RSF1: variants seen among roughly 807,000 people sequenced by gnomAD.
RSF1 encodes remodeling and spacing factor 1, also known as HBV pX-associated protein 8.
A neutral mutation model predicts 145.2 loss-of-function variants in RSF1; 13 were observed. That is an observed-to-expected ratio of 0.09 (90% CI 0.06 to 0.14). RSF1 has a LOEUF of 0.14. RSF1 is among the 10% of genes least tolerant of loss of function. RSF1 has a pLI of 1.00. For missense variants in RSF1, 1,517 were observed against 1,718.2 expected (o/e 0.88, Z 2.07); for synonymous variants, 577 against 592.6 (o/e 0.97, Z 0.38).
At chr11:77,821,061 A>G (rs1341684600), upstream of RSF1, 3 of 488,222 alleles carry the variant, frequency 6.1e-6, no homozygotes, top group Non-Finnish European at 1.1e-5. Context: ...GAGGGGCGGG[A>G]CTTCTCGAGA....
chr11:77,678,188 C>T, intron 11 of RSF1, 35 bp from the exon 12 acceptor site: 3 of 1,060,692 alleles, frequency 2.8e-6, no homozygotes, highest in South Asian at 2.1e-5. Context: ...TATAGCCTGT[C>T]CTGGCTTTTT....
At chr11:77,727,079 A>G (rs1961073138) in intron 4 of RSF1, among the ~76,000 whole-genome samples, 1 of 152,236 alleles carries the variant, frequency 6.6e-6, no homozygotes, top group Non-Finnish European at 1.5e-5. Context: ...TATAATAACC[A>G]GTCTAGAATT....
chr11:77,727,624 C>A (rs920789099), intron 4 of RSF1, among the ~76,000 whole-genome samples: 11 of 151,684 alleles, frequency 7.3e-5, no homozygotes, highest in Admixed American at 7.2e-4. Context: ...TTACAGGCAC[C>A]CATCACCACG....
intron 1 of RSF1, among the ~76,000 whole-genome samples, chr11:77,793,924 A>T (rs974452846): frequency 5.3e-5 from 8 of 150,544 alleles, no homozygotes; most frequent in Non-Finnish European, 1.2e-4. Context: ...AAAAGGTAAT[A>T]AAAAAAAAGA....
chr11:77,820,476 G>A (rs987178386), intron 1 of RSF1, 52 bp downstream of exon 1: 16 of 1,521,104 alleles, frequency 1.1e-5, no homozygotes, highest in Non-Finnish European at 1.3e-5. Flanking sequence ...AGAGCGGAGA[G>A]TAGCAGAGCG....
intron 11 of RSF1, among the ~76,000 whole-genome samples, chr11:77,682,259 C>G (rs1179462336): frequency 6.6e-6 from 1 of 152,102 alleles, no homozygotes; most frequent in East Asian, 1.9e-4. Flanking sequence ...GAAGCAAATT[C>G]CTCCATGATT....
chr11:77,662,658 G>T lies in RSF1; in HGVS notation c.*4259C>A, dbSNP rs924507885. 2 of 152,108 alleles carry T rather than the reference G, an allele frequency of 1.3e-5. No individual in the cohort carries two copies. The highest frequency in any genetic ancestry group is 4.8e-5 in the African/African-American group (2 of 41,436). 9.4% of individuals were successfully genotyped at this position (152,108 alleles called of 1,614,324 possible). A position where few individuals can be genotyped will look rare whatever the true frequency, so the allele number is the denominator to read the frequency against. On this transcript the variant is annotated 3_prime_UTR_variant, in exon 16 of 16. Coordinates refer to ENST00000308488, the MANE Select transcript of RSF1 (RefSeq NM_016578.4). The stretch of plus-strand genomic sequence containing the variant: ...TGACCTTAAGGATTGGTATAAAAAT[G>T]ACACAAAAAAATCAGTTAACTTGCC...
chr11:77,710,908 C>G (rs1443672180), intron 5 of RSF1, among the ~76,000 whole-genome samples: 1 of 152,090 alleles, frequency 6.6e-6, no homozygotes, highest in Non-Finnish European at 1.5e-5. Flanking sequence ...AACTTCCTTA[C>G]TACCTGGAGT....
At chr11:77,678,028 C>A in intron 12 of RSF1, 58 bp downstream of exon 12, 1 of 1,236,404 alleles carries the variant, frequency 8.1e-7, no homozygotes, top group Non-Finnish European at 1.2e-6. Context: ...CTAATTTGGG[C>A]ACCTGAATGA....
intron 1 of RSF1, among the ~76,000 whole-genome samples, chr11:77,781,671 T>C (rs1419127466): frequency 6.6e-6 from 1 of 152,246 alleles, no homozygotes; most frequent in Non-Finnish European, 1.5e-5. Flanking sequence ...TGTTGGATAG[T>C]GTTCTGGAAA....
intron 4 of RSF1, among the ~76,000 whole-genome samples, chr11:77,728,316 T>C (rs1049454228): frequency 1.3e-5 from 2 of 152,092 alleles, no homozygotes; most frequent in African/African-American, 2.4e-5. Context: ...TACTCAGCCA[T>C]AAAAAGGAAT....
rs1426279367 is a variant in RSF1, at chr11:77,661,465, A to C, written c.*5452T>G. 6.6e-6 allele frequency: 1 copy of C among 150,438 alleles called. No individual in the cohort carries two copies. The highest frequency in any genetic ancestry group is 2.5e-5 in the African/African-American group (1 of 40,316). 9.3% of individuals were successfully genotyped at this position (150,438 alleles called of 1,614,324 possible). On this transcript the variant is annotated 3_prime_UTR_variant, in exon 16 of 16. Transcript: ENST00000308488. ...TGTGTGTGTGTGTGTGTGTGTGTGC[A>C]ATTTTCATGCAGTGACCTTAAAGCT...
chr11:77,863,933 C>CTT, the RSF1 span, among the ~76,000 whole-genome samples: 2 of 148,050 alleles, frequency 1.4e-5, no homozygotes, highest in African/African-American at 4.9e-5. Context: ...AAGATGATCC[C>CTT]TTTTTTTTTT....
At chr11:77,867,915 A>G in the RSF1 span, among the ~76,000 whole-genome samples, 104 of 152,298 alleles carry the variant, frequency 6.8e-4, 1 homozygote, top group Admixed American at 5.5e-3. Flanking sequence ...AAAAGTAACA[A>G]TATAGAGATT....
chr11:77,839,392 T>C, the RSF1 span, among the ~76,000 whole-genome samples: 1 of 152,182 alleles, frequency 6.6e-6, no homozygotes, highest in Non-Finnish European at 1.5e-5. Flanking sequence ...TAGTTCAACC[T>C]TTGTGGAAGA....
intron 1 of RSF1, among the ~76,000 whole-genome samples, chr11:77,820,056 A>G (rs1245877064): frequency 6.6e-6 from 1 of 152,170 alleles, no homozygotes; most frequent in Non-Finnish European, 1.5e-5. Flanking sequence ...AGGTGTCCGG[A>G]GCAGCCGAGC....
At chr11:77,720,637 A>C (rs771493105) in intron 5 of RSF1, among the ~76,000 whole-genome samples, 2 of 152,196 alleles carry the variant, frequency 1.3e-5, no homozygotes, top group Non-Finnish European at 2.9e-5. Flanking sequence ...TGGGATACAA[A>C]TAGTATAAAT....
chr11:77,845,065 T>C, the RSF1 span, among the ~76,000 whole-genome samples: 2 of 152,194 alleles, frequency 1.3e-5, no homozygotes, highest in Non-Finnish European at 2.9e-5. Flanking sequence ...CTATGATATG[T>C]CTAGGTATGG....
the RSF1 span, among the ~76,000 whole-genome samples, chr11:77,843,869 A>C: frequency 6.6e-6 from 1 of 152,176 alleles, no homozygotes; most frequent in Non-Finnish European, 1.5e-5. Context: ...GCAGAAGGCA[A>C]GGAGGAGCAA....
Sources: gnomAD v4.1 joint callset for allele counts (sites outside exome capture counted in the v4.1 genomes callset) on GRCh38, gnomAD v4.1.1 for gene constraint, MANE v1.5 for transcripts, NCBI Gene and HGNC (gene_info 2026-07-23, HGNC 2026-07-21) for gene names.